NDUFS4: variants seen among roughly 807,000 people sequenced by gnomAD.
The protein encoded by NDUFS4 is NADH:ubiquinone oxidoreductase subunit S4, also known as NADH dehydrogenase [ubiquinone] iron-sulfur protein 4, mitochondrial.
A neutral mutation model predicts 24.3 loss-of-function variants in NDUFS4; 28 were observed. The ratio of observed to expected loss-of-function variants is 1.15; its 90% CI spans 0.85 to 1.58. The LOEUF (loss-of-function observed/expected upper bound fraction) is 1.58. Ranked by LOEUF, NDUFS4 falls within the 40% of genes most tolerant of loss-of-function variation. The pLI, the probability that NDUFS4 is intolerant of heterozygous loss-of-function variation, is 0.00. For missense variants in NDUFS4, 223 were observed against 207.9 expected, an observed-to-expected ratio of 1.07 and a Z score of -0.45; for synonymous variants, 93 against 69.7, an observed-to-expected ratio of 1.34 and a Z score of -1.67.
At chr5:53,670,998 T>A (rs1487718520) in intron 4 of NDUFS4, among the ~76,000 whole-genome samples, 2 of 151,648 alleles carry the variant, frequency 1.3e-5, no homozygotes, top group African/African-American at 4.8e-5. Context: ...TATAGAGAGA[T>A]AATATATATA....
At chr5:53,664,466 A>T (rs941338810) in intron 4 of NDUFS4, among the ~76,000 whole-genome samples, 2 of 152,196 alleles carry the variant, frequency 1.3e-5, no homozygotes, top group African/African-American at 4.8e-5. Flanking sequence ...TTTCAGGTAC[A>T]CCAATCAGAC....
At chr5:53,620,244 T>C (rs1447054431) in intron 2 of NDUFS4, among the ~76,000 whole-genome samples, 1 of 152,208 alleles carries the variant, frequency 6.6e-6, no homozygotes, top group Non-Finnish European at 1.5e-5. Context: ...ATTTTTAATA[T>C]ACATGGCCTA....
At chr5:53,676,440 C>T in intron 4 of NDUFS4, among the ~76,000 whole-genome samples, 1 of 152,128 alleles carries the variant, frequency 6.6e-6, no homozygotes, top group East Asian at 1.9e-4. Context: ...TTTAAAGACA[C>T]CTTATTTAAT....
intron 1 of NDUFS4, among the ~76,000 whole-genome samples, chr5:53,598,409 T>A (rs1331285591): frequency 1.3e-5 from 2 of 152,230 alleles, no homozygotes; most frequent in African/African-American, 4.8e-5. Flanking sequence ...CAGATTATTA[T>A]GTGAGTTGGG....
chr5:53,666,408 C>T lies in NDUFS4; in HGVS notation c.424+7784C>T, dbSNP rs143177728. On this transcript the variant is annotated intron_variant, in intron 4 of 4. Coordinates refer to ENST00000296684, the MANE Select transcript of NDUFS4 (RefSeq NM_002495.4). Reference sequence around the variant, plus strand: ...GCCTTTCTATCTGACTTCTACCTCCCCGGGAAAGAAAACTGAGGAACACTA... The same window carrying T: ...GCCTTTCTATCTGACTTCTACCTCCTCGGGAAAGAAAACTGAGGAACACTA... Among the ~76,000 whole-genome samples the T allele has an allele frequency of 2.6e-5, 4 of 152,260 alleles. No individual in the cohort carries two copies. The East Asian group carries it at 7.7e-4, about 29-fold the overall frequency.
intron 3 of NDUFS4, among the ~76,000 whole-genome samples, chr5:53,657,525 T>C (rs1752199487): frequency 6.6e-6 from 1 of 152,190 alleles, no homozygotes. Context: ...CTCCTTTCTA[T>C]ATTTTTTACT....
intron 2 of NDUFS4, among the ~76,000 whole-genome samples, chr5:53,610,347 T>C (rs895379892): frequency 3.3e-5 from 5 of 152,046 alleles, no homozygotes; most frequent in African/African-American, 1.2e-4. Context: ...ATGGACGCAG[T>C]TTGTGGCACC....
At chr5:53,641,382 A>G (rs1751702123) in intron 2 of NDUFS4, among the ~76,000 whole-genome samples, 1 of 152,190 alleles carries the variant, frequency 6.6e-6, no homozygotes, top group Non-Finnish European at 1.5e-5. Flanking sequence ...TATGATTAGT[A>G]GCATCATTTG....
intron 1 of NDUFS4, among the ~76,000 whole-genome samples, chr5:53,574,112 T>A (rs1749310510): frequency 6.6e-6 from 1 of 152,224 alleles, no homozygotes; most frequent in African/African-American, 2.4e-5. Context: ...TTCTTTTTCA[T>A]TTCCAGGAGG....
chr5:53,587,598 G>C, intron 1 of NDUFS4, among the ~76,000 whole-genome samples: 1 of 143,106 alleles, frequency 7.0e-6, no homozygotes, highest in East Asian at 2.1e-4. Context: ...TTTTTTTTGA[G>C]ACAGCGTCTC....
At chr5:53,592,217 G>T (rs112048863) in intron 1 of NDUFS4, among the ~76,000 whole-genome samples, 13 of 152,166 alleles carry the variant, frequency 8.5e-5, no homozygotes, top group Admixed American at 3.9e-4. Context: ...CTCCCAAAGT[G>T]CTGGGATTAC....
intron 2 of NDUFS4, among the ~76,000 whole-genome samples, chr5:53,620,750 T>C (rs1433980534): frequency 6.6e-6 from 1 of 152,202 alleles, no homozygotes; most frequent in Non-Finnish European, 1.5e-5. Context: ...CAGTACTTCA[T>C]CATTTATTTG....
intron 3 of NDUFS4, among the ~76,000 whole-genome samples, chr5:53,649,418 T>C (rs1462695193): frequency 6.6e-6 from 1 of 152,186 alleles, no homozygotes; most frequent in East Asian, 1.9e-4. Context: ...CGTCCATGTG[T>C]ACCCATTGTT....
At chr5:53,665,125 G>A (rs986858558) in intron 4 of NDUFS4, among the ~76,000 whole-genome samples, 14 of 152,180 alleles carry the variant, frequency 9.2e-5, no homozygotes, top group African/African-American at 2.4e-4. Context: ...TATCAGCAGC[G>A]GAGGCTGCAG....
chr5:53,645,833 A>T (rs1579913747), intron 2 of NDUFS4, among the ~76,000 whole-genome samples: 1 of 152,116 alleles, frequency 6.6e-6, no homozygotes. Flanking sequence ...GCAAATAAGG[A>T]TTTACTTTTT....
chr5:53,649,411 C>T (rs1409342861), intron 3 of NDUFS4, among the ~76,000 whole-genome samples: 1 of 152,114 alleles, frequency 6.6e-6, no homozygotes, highest in Non-Finnish European at 1.5e-5. Context: ...ATCTTTACGT[C>T]CATGTGTACC....
chr5:53,626,671 A>G (rs1271763067), intron 2 of NDUFS4, among the ~76,000 whole-genome samples: 1 of 152,116 alleles, frequency 6.6e-6, no homozygotes, highest in African/African-American at 2.4e-5. Context: ...TGGCTGCATA[A>G]ATGTCTTCTT....
At chr5:53,578,562 C>G (rs1341076800) in intron 1 of NDUFS4, among the ~76,000 whole-genome samples, 1 of 152,154 alleles carries the variant, frequency 6.6e-6, no homozygotes, top group Non-Finnish European at 1.5e-5. Context: ...AGTTCCTGGT[C>G]TGATACTTGC....
At chr5:53,637,635 T>G (rs753358002) in intron 2 of NDUFS4, among the ~76,000 whole-genome samples, 1 of 152,132 alleles carries the variant, frequency 6.6e-6, no homozygotes, top group Non-Finnish European at 1.5e-5. Flanking sequence ...GAAAAAAGAA[T>G]TTCCTTAAAT....
Sources: allele counts gnomAD v4.1 joint callset (sites outside exome capture counted in the v4.1 genomes callset), GRCh38; gene constraint gnomAD v4.1.1; transcripts MANE v1.5; gene names NCBI Gene and HGNC (gene_info 2026-07-23, HGNC 2026-07-21).